The following PLEKHG4B variants were observed in gnomAD, a reference collection of about 807,000 sequenced individuals.
PLEKHG4B encodes the protein pleckstrin homology domain-containing family G member 4B.
A neutral mutation model predicts 121.3 loss-of-function variants in PLEKHG4B; 111 were observed. The ratio of observed to expected loss-of-function variants is 0.92; its 90% CI spans 0.78 to 1.07. The LOEUF (loss-of-function observed/expected upper bound fraction) is 1.07. Among genes scored for constraint, PLEKHG4B ranks in the 50% least tolerant of loss-of-function variants. PLEKHG4B has a pLI of 0.00. For synonymous variants in PLEKHG4B, 738 were observed against 725.0 expected (o/e 1.02, Z -0.29); for missense variants, 1,831 against 1,757.8 (o/e 1.04, Z -0.74).
chr5:121,250 A>C (rs1052087436), intron 2 of PLEKHG4B, among the ~76,000 whole-genome samples: 3 of 152,084 alleles, frequency 2.0e-5, no homozygotes, highest in Admixed American at 2.0e-4. Context: ...CCGTCTAAAA[A>C]AAAAAAGAAA....
intron 18 of PLEKHG4B, among the ~76,000 whole-genome samples, chr5:180,271 C>T (rs1050779473): frequency 1.3e-5 from 2 of 152,170 alleles, no homozygotes; most frequent in Non-Finnish European, 2.9e-5. Context: ...AAGTCCGCCT[C>T]AGACCTTTGG....
intron 1 of PLEKHG4B, among the ~76,000 whole-genome samples, chr5:99,925 T>C (rs1280611900): frequency 6.6e-6 from 1 of 152,128 alleles, no homozygotes; most frequent in East Asian, 1.9e-4. Context: ...GGGTCTGTTA[T>C]CATGAAAGGG....
At chr5:99,908 G>T (rs1160105490) in intron 1 of PLEKHG4B, among the ~76,000 whole-genome samples, 1 of 152,020 alleles carries the variant, frequency 6.6e-6, no homozygotes, top group Non-Finnish European at 1.5e-5. Flanking sequence ...TCTATTCTTG[G>T]TTTTCTGGGT....
rs1270861786 is a variant in PLEKHG4B, at chr5:172,901, A to G, written c.4055A>G (p.Asn1352Ser). 1 of 1,614,022 alleles carries G rather than the reference A, an allele frequency of 6.2e-7. No homozygotes were observed. The highest frequency in any genetic ancestry group is 2.2e-5 in the East Asian group (1 of 44,898). The part of the protein sequence containing the change: ...AMDAIRGCDV[N>S]LKEQGQLRCR... Reference sequence around the variant, plus strand: ...CACCTGTGTGTTCCTCTGCAGGTGAATTTGAAGGAACAGGGGCAGCTGAGA... The same window carrying G: ...CACCTGTGTGTTCCTCTGCAGGTGAGTTTGAAGGAACAGGGGCAGCTGAGA... The change falls in exon 17 of 20, where the codon AAT becomes AGT. Residue 1352 changes from asparagine (N) to serine (S), a missense_variant. Transcript: ENST00000637938.
chr5:144,670 T>C (rs891854282), intron 5 of PLEKHG4B, among the ~76,000 whole-genome samples, 157 bp from the exon 6 acceptor site: 1 of 152,196 alleles, frequency 6.6e-6, no homozygotes, highest in African/African-American at 2.4e-5. Flanking sequence ...CCGATGGGCC[T>C]GCACCTTCGG....
intron 1 of PLEKHG4B, among the ~76,000 whole-genome samples, chr5:98,673 C>T (rs1269503127): frequency 4.3e-5 from 6 of 138,980 alleles, no homozygotes; most frequent in African/African-American, 1.1e-4. Context: ...GGGGTTTCAC[C>T]GTGTTAGCCA....
chr5:183,843 G>C lies in PLEKHG4B; in HGVS notation c.*1520G>C, dbSNP rs1351822241. On this transcript the variant is annotated 3_prime_UTR_variant, in exon 20 of 20. Transcript: ENST00000637938. ...TGACAGTGGAAACTATCCTGGATGGGGTAACAGATTGGATTTCACAGAAGA... is the reference window on the plus strand; with the variant it reads ...TGACAGTGGAAACTATCCTGGATGGCGTAACAGATTGGATTTCACAGAAGA... 2 of 152,130 alleles carry C rather than the reference G, an allele frequency of 1.3e-5. No homozygotes were observed. Among genetic ancestry groups the C allele is most frequent in the Admixed American group, 6.5e-5 (1 of 15,270 alleles). The allele number at this position is 152,130 out of a possible 1,614,324, so 9.4% of individuals were successfully genotyped here. A position where few individuals can be genotyped will look rare whatever the true frequency, so the allele number is the denominator to read the frequency against.
chr5:98,281 G>C (rs1258615057), intron 1 of PLEKHG4B, among the ~76,000 whole-genome samples: 1 of 151,894 alleles, frequency 6.6e-6, no homozygotes, highest in African/African-American at 2.4e-5. Flanking sequence ...TGGTTATTCA[G>C]TTGTGTCAGC....
At chr5:136,910 T>G (rs1449512358) in intron 2 of PLEKHG4B, among the ~76,000 whole-genome samples, 2 of 152,176 alleles carry the variant, frequency 1.3e-5, no homozygotes, top group African/African-American at 2.4e-5. Flanking sequence ...TGTATACCCG[T>G]GTTGATAGCA....
At chr5:120,278 C>T (rs1035663552) in intron 2 of PLEKHG4B, among the ~76,000 whole-genome samples, 1 of 152,134 alleles carries the variant, frequency 6.6e-6, no homozygotes, top group African/African-American at 2.4e-5. Flanking sequence ...TCATACAGTT[C>T]CAAAGAGTTG....
intron 1 of PLEKHG4B, among the ~76,000 whole-genome samples, chr5:103,536 A>G (rs759698568): frequency 4.3e-4 from 65 of 152,248 alleles, no homozygotes; most frequent in Non-Finnish European, 7.6e-4. Flanking sequence ...CATTTTCTGG[A>G]TATACTGCCA....
chr5:180,372 C>G (rs1307126880), intron 18 of PLEKHG4B, among the ~76,000 whole-genome samples: 1 of 152,140 alleles, frequency 6.6e-6, no homozygotes, highest in Non-Finnish European at 1.5e-5. Flanking sequence ...TTTCCCAGGC[C>G]CTTCCTCCCA....
chr5:183,986 TAGATCGATAG>T lies in PLEKHG4B; in HGVS notation c.*1665_*1674del, dbSNP rs1733521979. 2.0e-5 allele frequency: 1 copy of T among 49,694 alleles called. No individual in the cohort carries two copies. Among genetic ancestry groups the T allele is most frequent in the Non-Finnish European group, 5.4e-5 (1 of 18,506 alleles). The allele number at this position is 49,694 out of a possible 1,614,324, so 3.1% of individuals were successfully genotyped here. Reference sequence around the variant, plus strand: ...ATATACAGACAGATAGATAGATAGATAGATCGATAGATAGATAGATAGATAGATAGATAGA... The same window carrying T: ...ATATACAGACAGATAGATAGATAGATATAGATAGATAGATAGATAGATAGA... On this transcript the variant is annotated 3_prime_UTR_variant, in exon 20 of 20. Coordinates refer to ENST00000637938, the MANE Select transcript of PLEKHG4B (RefSeq NM_052909.5).
intron 2 of PLEKHG4B, among the ~76,000 whole-genome samples, chr5:121,736 C>T (rs1238797581): frequency 4.6e-5 from 7 of 151,832 alleles, no homozygotes; most frequent in African/African-American, 1.7e-4. Flanking sequence ...ATTCTATATC[C>T]AGCAAAAATA....
chr5:180,829 G>A (rs1490047810), intron 18 of PLEKHG4B, among the ~76,000 whole-genome samples: 7 of 152,198 alleles, frequency 4.6e-5, no homozygotes, highest in African/African-American at 7.2e-5. Context: ...GGGGACACTC[G>A]CTCTTGATAA....
intron 1 of PLEKHG4B, among the ~76,000 whole-genome samples, chr5:107,630 T>A (rs1282740564): frequency 2.0e-5 from 3 of 152,342 alleles, no homozygotes; most frequent in African/African-American, 7.2e-5. Flanking sequence ...CACCTGCCCA[T>A]CCCCGCCCTG....
At chr5:167,699 G>T (rs999052358) in intron 13 of PLEKHG4B, among the ~76,000 whole-genome samples, 1 of 152,144 alleles carries the variant, frequency 6.6e-6, no homozygotes, top group Admixed American at 6.5e-5. Context: ...GAGTCCCGCC[G>T]CCCAGGCCAG....
rs562304873 is a variant in PLEKHG4B, at chr5:143,459, TG to T, written c.1768del (p.Ala590LeufsTer3). On this transcript the variant is annotated frameshift_variant, in exon 5 of 20. Coordinates refer to ENST00000637938, the MANE Select transcript of PLEKHG4B (RefSeq NM_052909.5). LOFTEE classifies it high-confidence loss of function. ...TCTGGACCAGGGAACACTCGTCCTG[TG>T]CTGAGCTGACCCGCCTGCTGCTGTA... ...LLWTREHSSC[A>X]ELTRLLLYFH... 99 of 1,612,886 alleles carry T rather than the reference TG, an allele frequency of 6.1e-5. No individual in the cohort carries two copies. In the South Asian group the frequency reaches 9.6e-4, roughly 16 times the overall value.
Position 154,905 on chromosome 5 carries a change from C to T in PLEKHG4B, c.2023C>T (p.His675Tyr), listed in dbSNP as rs1387498200. The change falls in exon 8 of 20, where the codon CAC (histidine) becomes TAC (tyrosine). Residue 675 changes from histidine (H) to tyrosine (Y), a missense_variant. Transcript: ENST00000637938. ...CEVVSSLKAV[H>Y]KFVDSCQLTA... ...GGTCGTGAGCTCCCTGAAGGCCGTG[C>T]ACAAATTTGTTGACAGCTGCCAGCT... The T allele has an allele frequency of 6.2e-7, 1 of 1,613,894 alleles. No homozygotes were observed. Among genetic ancestry groups the T allele is most frequent in the Admixed American group, 1.7e-5 (1 of 60,022 alleles).
Sources: gnomAD v4.1 joint callset for allele counts (sites outside exome capture counted in the v4.1 genomes callset) on GRCh38, gnomAD v4.1.1 for gene constraint, MANE v1.5 for transcripts, NCBI Gene and HGNC (gene_info 2026-07-23, HGNC 2026-07-21) for gene names.